PGM1: variants seen among roughly 807,000 people sequenced by gnomAD.
PGM1 encodes phosphoglucomutase 1, also known as phosphoglucomutase-1.
A neutral mutation model predicts 55.6 loss-of-function variants in PGM1; 52 were observed. The ratio of observed to expected loss-of-function variants is 0.94; its 90% CI spans 0.75 to 1.18. The LOEUF (loss-of-function observed/expected upper bound fraction) is 1.18. Among genes scored for constraint, PGM1 ranks in the 50% most tolerant of loss-of-function variants. The pLI is 0.00. For synonymous variants in PGM1, 287 were observed against 271.7 expected, an observed-to-expected ratio of 1.06 and a Z score of -0.55; for missense variants, 724 against 729.3, an observed-to-expected ratio of 0.99 and a Z score of 0.08.
chr1:63,617,902 A>C (rs1270179697), intron 1 of PGM1, among the ~76,000 whole-genome samples: 1 of 151,756 alleles, frequency 6.6e-6, no homozygotes, highest in African/African-American at 2.4e-5. Context: ...AAACTCATTT[A>C]ATCAAGCACC....
chr1:63,596,226 C>CTTCT (rs142520060), intron 1 of PGM1, among the ~76,000 whole-genome samples: 4 of 138,400 alleles, frequency 2.9e-5, no homozygotes, highest in African/African-American at 8.4e-5. Flanking sequence ...AGGTTTCTTT[C>CTTCT]TTCTTTCTTT....
intron 1 of PGM1, among the ~76,000 whole-genome samples, chr1:63,624,991 A>G (rs2269258): frequency 0.066 from 10,120 of 152,290 alleles, 444 homozygotes; most frequent in East Asian, 0.17. Flanking sequence ...AAAATGTGAC[A>G]TGCCATAAAT....
At chr1:63,631,098 A>C (rs1460302841) in intron 3 of PGM1, among the ~76,000 whole-genome samples, 3 of 152,204 alleles carry the variant, frequency 2.0e-5, no homozygotes, top group Non-Finnish European at 4.4e-5. Flanking sequence ...AAGAACAACA[A>C]TACTAAGTTC....
chr1:63,638,399 G>A (rs111439489), intron 6 of PGM1, among the ~76,000 whole-genome samples: 41 of 152,274 alleles, frequency 2.7e-4, no homozygotes, highest in African/African-American at 8.4e-4. Context: ...GATTTAAATA[G>A]CTTAAACAGC....
chr1:63,629,642 AAT>A lies in PGM1; in HGVS notation c.409+57_409+58del, dbSNP rs1649140704. The A allele has an allele frequency of 4.7e-5, 72 of 1,541,830 alleles. No individual in the cohort carries two copies. In the South Asian group the frequency reaches 7.5e-4, roughly 16 times the overall value. On this transcript the variant is annotated intron_variant, in intron 2 of 10. Coordinates refer to ENST00000371084, the MANE Select transcript of PGM1 (RefSeq NM_002633.3). ...AAGTTTACATTCAGTAGGACAAATC[AAT>A]ACCTGGAGCCTTGGGAGACCAGGGT...
At chr1:63,639,072 G>A (rs1488827321) in intron 7 of PGM1, among the ~76,000 whole-genome samples, 15 of 152,028 alleles carry the variant, frequency 9.9e-5, no homozygotes, top group Non-Finnish European at 1.5e-5. Context: ...GAGTCTGCAG[G>A]GATTAAACAG....
chr1:63,656,152 C>G (rs1450728795), intron 10 of PGM1: 1 of 152,168 alleles, frequency 6.6e-6, no homozygotes, highest in African/African-American at 2.4e-5. Context: ...AGAAAACATA[C>G]AAATGGCCAA....
chr1:63,651,641 T>C lies in PGM1; in HGVS notation c.1281-28T>C, dbSNP rs758309737. The C allele has an allele frequency of 5.6e-6, 9 of 1,609,998 alleles. No homozygotes were observed. In the East Asian group the frequency reaches 1.8e-4, roughly 32 times the overall value. ...CTTGGTGTGATCTGCAGTCAGCCCG[T>C]GGGCCTCAACTTCGTGACTTCTTCC... On this transcript the variant is annotated intron_variant, in intron 8 of 10. Coordinates refer to ENST00000371084, the MANE Select transcript of PGM1 (RefSeq NM_002633.3).
intron 1 of PGM1, among the ~76,000 whole-genome samples, chr1:63,625,356 C>G: frequency 6.6e-6 from 1 of 152,154 alleles, no homozygotes; most frequent in South Asian, 2.1e-4. Flanking sequence ...TCAAGGTAAG[C>G]TTAGAGGTGA....
intron 10 of PGM1, among the ~76,000 whole-genome samples, chr1:63,658,345 G>GT (rs34300625): frequency 0.34 from 46,532 of 136,446 alleles, 7,564 homozygotes; most frequent in Admixed American, 0.38. Context: ...CAGATTAGTA[G>GT]TTTTTTTTTT....
At chr1:63,618,855 A>C (rs1479892711) in intron 1 of PGM1, among the ~76,000 whole-genome samples, 2 of 152,136 alleles carry the variant, frequency 1.3e-5, no homozygotes, top group African/African-American at 4.8e-5. Flanking sequence ...AGCCCTACCT[A>C]CGTGAGAAGA....
rs749940188 is a variant in PGM1, at chr1:63,593,628, T to A, written c.140T>A (p.Val47Glu). 5.0e-6 allele frequency: 8 copies of A among 1,612,294 alleles called. No homozygotes were observed. The highest frequency in any genetic ancestry group is 6.8e-6 in the Non-Finnish European group (8 of 1,179,508). ...TTCATCCAGAGTATCATCTCCACCG[T>A]GGAGCCGGCGCAGCGGCAGGAGGCC... The part of the protein sequence containing the change: ...ENFIQSIIST[V>E]EPAQRQEATL... The change falls in exon 1 of 11, where the codon GTG (valine) becomes GAG (glutamate). Residue 47 changes from valine to glutamate, a missense_variant. Transcript: ENST00000371084.
intron 1 of PGM1, among the ~76,000 whole-genome samples, chr1:63,603,799 A>G (rs1056225015): frequency 1.3e-5 from 2 of 152,234 alleles, no homozygotes; most frequent in African/African-American, 4.8e-5. Flanking sequence ...TACTTTGAGA[A>G]GCACGTGGGG....
chr1:63,626,656 A>T (rs1003380579), intron 1 of PGM1, among the ~76,000 whole-genome samples: 5 of 152,122 alleles, frequency 3.3e-5, no homozygotes, highest in African/African-American at 1.2e-4. Context: ...TTCCAATCAC[A>T]TCCATATCTA....
At chr1:63,607,552 T>C (rs1459753856) in intron 1 of PGM1, among the ~76,000 whole-genome samples, 2 of 152,152 alleles carry the variant, frequency 1.3e-5, no homozygotes, top group Non-Finnish European at 2.9e-5. Context: ...CTGCAGAAGA[T>C]AAGTGTGTCT....
chr1:63,638,394 A>G (rs1557436738), intron 6 of PGM1, among the ~76,000 whole-genome samples: 1 of 152,234 alleles, frequency 6.6e-6, no homozygotes, highest in Admixed American at 6.5e-5. Flanking sequence ...ATGTGGATTT[A>G]AATAGCTTAA....
intron 1 of PGM1, among the ~76,000 whole-genome samples, chr1:63,608,347 T>A (rs61765286): frequency 0.033 from 5,099 of 152,290 alleles, 119 homozygotes; most frequent in Non-Finnish European, 0.055. Context: ...TTAGGAGCTG[T>A]ACAAAATGGG....
intron 1 of PGM1, among the ~76,000 whole-genome samples, chr1:63,612,482 TG>T (rs1053670125): frequency 2.9e-4 from 44 of 152,198 alleles, no homozygotes; most frequent in African/African-American, 1.0e-3. Context: ...AGTGTGGTTG[TG>T]TTGTATCCTA....
chr1:63,618,186 C>T (rs776089346), intron 1 of PGM1, among the ~76,000 whole-genome samples: 1 of 152,176 alleles, frequency 6.6e-6, no homozygotes, highest in Non-Finnish European at 1.5e-5. Flanking sequence ...GTAACTTGTC[C>T]AAGATCATAT....
Sources: gnomAD v4.1 joint callset for allele counts (sites outside exome capture counted in the v4.1 genomes callset) on GRCh38, gnomAD v4.1.1 for gene constraint, MANE v1.5 for transcripts, NCBI Gene and HGNC (gene_info 2026-07-23, HGNC 2026-07-21) for gene names.